Variants in TMEM178A observed in about 807,000 individuals in gnomAD.
The protein encoded by TMEM178A is transmembrane protein 178.
A neutral mutation model predicts 29.1 loss-of-function variants in TMEM178A; 12 were observed. The observed-to-expected ratio is 0.41, with a 90% confidence interval of 0.26 to 0.67. The LOEUF (loss-of-function observed/expected upper bound fraction) is 0.67, where lower values mean the gene tolerates loss of function less well. Ranked by LOEUF, TMEM178A falls within the 30% of genes least tolerant of loss-of-function variation. The pLI is 0.29. For missense variants in TMEM178A, 366 were observed against 419.1 expected (o/e 0.87, Z 1.11); for synonymous variants, 210 against 187.2 (o/e 1.12, Z -0.99).
chr2:39,687,732 A>T (rs1167487095), intron 1 of TMEM178A, among the ~76,000 whole-genome samples: 1 of 152,226 alleles, frequency 6.6e-6, no homozygotes, highest in Non-Finnish European at 1.5e-5. Flanking sequence ...AGCAAAGGGG[A>T]TGGAAATGTA....
chr2:39,692,687 G>T (rs1671375181), intron 1 of TMEM178A, among the ~76,000 whole-genome samples: 1 of 152,128 alleles, frequency 6.6e-6, no homozygotes, highest in South Asian at 2.1e-4. Context: ...TCAACTATGG[G>T]CTAGGCACTG....
chr2:39,684,528 G>C (rs899261262), intron 1 of TMEM178A, among the ~76,000 whole-genome samples: 1 of 152,092 alleles, frequency 6.6e-6, no homozygotes, highest in African/African-American at 2.4e-5. Context: ...TTTAATATCT[G>C]CAAAGTATTT....
At chr2:39,706,841 T>C (rs1388799915) in intron 2 of TMEM178A, among the ~76,000 whole-genome samples, 1 of 152,214 alleles carries the variant, frequency 6.6e-6, no homozygotes, top group Non-Finnish European at 1.5e-5. Flanking sequence ...TCAGAGACGG[T>C]ATAGTCTGAC....
intron 3 of TMEM178A, among the ~76,000 whole-genome samples, chr2:39,714,097 G>T (rs1672430892): frequency 6.6e-6 from 1 of 152,184 alleles, no homozygotes; most frequent in Non-Finnish European, 1.5e-5. Flanking sequence ...AAAATGAAGA[G>T]CTCCTAGATA....
In TMEM178A at chr2:39,707,161, G is replaced by C; in HGVS notation, c.627G>C (p.Val209=). ...FFWEESLTQH[V]AGLLFLMTGI... ...GGGAGGAGAGCTTGACCCAGCACGT[G>C]GCTGGACTCCTGTTCCTCATGACAG... Residue 209 remains valine, a synonymous_variant, in exon 3 of 4, where the codon GTG becomes GTC. Transcript: ENST00000281961. 1.2e-6 allele frequency: 2 copies of C among 1,613,812 alleles called. No individual in the cohort carries two copies. The highest frequency in any genetic ancestry group is 1.7e-6 in the Non-Finnish European group (2 of 1,179,880).
At chr2:39,727,356 A>T in the TMEM178A span, among the ~76,000 whole-genome samples, 1 of 152,228 alleles carries the variant, frequency 6.6e-6, no homozygotes, top group Non-Finnish European at 1.5e-5. Flanking sequence ...AGATTTGAAA[A>T]GGCTACTAAC....
the TMEM178A span, among the ~76,000 whole-genome samples, chr2:39,734,650 T>C: frequency 6.6e-6 from 1 of 152,208 alleles, no homozygotes; most frequent in Non-Finnish European, 1.5e-5. Context: ...AGCAAGCAAG[T>C]CTAAACAAGA....
intron 1 of TMEM178A, among the ~76,000 whole-genome samples, chr2:39,686,333 A>G (rs1013867030): frequency 5.9e-5 from 9 of 152,168 alleles, no homozygotes; most frequent in Non-Finnish European, 1.3e-4. Context: ...GCACAACAGA[A>G]GTGTTCTGGT....
chr2:39,697,489 G>C (rs967636602), intron 1 of TMEM178A, among the ~76,000 whole-genome samples: 5 of 152,114 alleles, frequency 3.3e-5, no homozygotes, highest in African/African-American at 1.2e-4. Flanking sequence ...CAAGGGAGTG[G>C]AACACCTGGA....
intron 1 of TMEM178A, among the ~76,000 whole-genome samples, chr2:39,685,113 T>C (rs553612183): frequency 6.6e-6 from 1 of 152,362 alleles, no homozygotes; most frequent in East Asian, 1.9e-4. Context: ...TTATAATCTC[T>C]GGTGACTTCC....
At chr2:39,673,077 T>C (rs1002012405) in intron 1 of TMEM178A, among the ~76,000 whole-genome samples, 1 of 152,228 alleles carries the variant, frequency 6.6e-6, no homozygotes, top group Admixed American at 6.5e-5. Flanking sequence ...AATTACAGAT[T>C]ATATAATCAC....
intron 1 of TMEM178A, among the ~76,000 whole-genome samples, chr2:39,701,069 TAGG>T (rs1671760838): frequency 6.6e-6 from 1 of 151,756 alleles, no homozygotes; most frequent in Admixed American, 6.6e-5. Context: ...TTAAATCAGA[TAGG>T]AGAAAAAAAG....
intron 1 of TMEM178A, among the ~76,000 whole-genome samples, chr2:39,669,855 G>T (rs1670337349): frequency 6.6e-6 from 1 of 152,194 alleles, no homozygotes; most frequent in Non-Finnish European, 1.5e-5. Context: ...CATTCATACT[G>T]TATTTCCATA....
At chr2:39,723,196 C>T in the TMEM178A span, among the ~76,000 whole-genome samples, 2 of 152,226 alleles carry the variant, frequency 1.3e-5, no homozygotes, top group Non-Finnish European at 2.9e-5. Context: ...AACCTAGCCA[C>T]GCCTGAACTG....
At chr2:39,682,407 G>A (rs1670905238) in intron 1 of TMEM178A, among the ~76,000 whole-genome samples, 1 of 151,694 alleles carries the variant, frequency 6.6e-6, no homozygotes, top group Admixed American at 6.6e-5. Flanking sequence ...TATTGTGCTT[G>A]TTTTGATTTT....
chr2:39,712,040 T>TG (rs1672327342), intron 3 of TMEM178A, among the ~76,000 whole-genome samples: 6 of 132,040 alleles, frequency 4.5e-5, no homozygotes, highest in East Asian at 2.2e-4. Flanking sequence ...GGAATTGCAT[T>TG]TTGTGTGTGT....
rs999275748 is a variant in TMEM178A at position 39,701,725 on chromosome 2, CA to C, written c.401-2355del. On this transcript the variant is annotated intron_variant, in intron 1 of 3. Coordinates refer to ENST00000281961, the MANE Select transcript of TMEM178A (RefSeq NM_152390.3). ...CTGAGGCCCTGACCATTTTTTAAAT[CA>C]TCCTTTGTTCTTTATTTTTCTCAGA... Among the ~76,000 whole-genome samples, 143 of 152,210 alleles carry C rather than the reference CA, an allele frequency of 9.4e-4. 1 individual carries two copies. Among genetic ancestry groups the C allele is most frequent in the African/African-American group, 3.2e-3 (133 of 41,546 alleles).
chr2:39,691,678 C>G (rs1671323764), intron 1 of TMEM178A, among the ~76,000 whole-genome samples: 1 of 152,072 alleles, frequency 6.6e-6, no homozygotes, highest in South Asian at 2.1e-4. Flanking sequence ...GAAGAAATGT[C>G]TACACTCCCA....
At chr2:39,689,306 C>T (rs1426281250) in intron 1 of TMEM178A, among the ~76,000 whole-genome samples, 2 of 152,286 alleles carry the variant, frequency 1.3e-5, no homozygotes, top group Admixed American at 6.5e-5. Context: ...GTTTATGGAT[C>T]ATCATGTGGC....
Sources: allele counts gnomAD v4.1 joint callset (sites outside exome capture counted in the v4.1 genomes callset), GRCh38; gene constraint gnomAD v4.1.1; transcripts MANE v1.5; gene names NCBI Gene and HGNC (gene_info 2026-07-23, HGNC 2026-07-21).